Variants in ZNF8 observed in about 807,000 individuals in gnomAD.
ZNF8 encodes zinc finger protein 272.
Under a neutral mutation model 12.2 loss-of-function variants are expected in ZNF8, and 9 were observed. The ratio of observed to expected loss-of-function variants is 0.73; its 90% confidence interval spans 0.44 to 1.28. The LOEUF is 1.28. Among genes scored for constraint, ZNF8 ranks in the 50% most tolerant of loss-of-function variants. The pLI is 0.00. For missense variants in ZNF8, 664 were observed against 729.1 expected, an observed-to-expected ratio of 0.91 and a Z score of 1.03; for synonymous variants, 274 against 282.3, an observed-to-expected ratio of 0.97 and a Z score of 0.30.
Position 58,295,034 on chromosome 19 carries a change from G to T in ZNF8, c.1226G>T (p.Ser409Ile), listed in dbSNP as rs752783189. 6.2e-7 allele frequency: 1 copy of T among 1,614,090 alleles called. No individual in the cohort carries two copies. Among genetic ancestry groups the T allele is most frequent in the Non-Finnish European group, 8.5e-7 (1 of 1,179,974 alleles). ...CACTGCGGGAAGGGCTTCAGGCACA[G>T]CTCATCCCTGGCCCAGCACCAGCGG... ...CNHCGKGFRH[S>I]SSLAQHQRKH... Residue 409 changes from serine (S) to isoleucine (I), a missense_variant, in exon 4 of 4, where the codon AGC becomes ATC. Physicochemically the swap from Ser to Ile is moderately radical, Grantham distance 142. Transcript: ENST00000621650.
chr19:58,291,563 A>C (rs777100734), intron 3 of ZNF8, among the ~76,000 whole-genome samples: 1 of 152,116 alleles, frequency 6.6e-6, no homozygotes, highest in Non-Finnish European at 1.5e-5. Context: ...AGCCTGTTCC[A>C]TGGATGTTCC....
intron 1 of ZNF8, chr19:58,280,018 G>A (rs1054232398): frequency 2.2e-6 from 1 of 460,482 alleles, no homozygotes; most frequent in South Asian, 2.1e-5. Flanking sequence ...ATGCTACCAC[G>A]TTTTATTTTG....
At chr19:58,281,851 G>A (rs952692825) in intron 1 of ZNF8, among the ~76,000 whole-genome samples, 2 of 152,200 alleles carry the variant, frequency 1.3e-5, no homozygotes, top group Non-Finnish European at 2.9e-5. Context: ...AGTGGCTCAT[G>A]CCTGTAATCC....
intron 1 of ZNF8, among the ~76,000 whole-genome samples, chr19:58,285,068 T>C (rs2051374545): frequency 6.6e-6 from 1 of 152,140 alleles, no homozygotes; most frequent in African/African-American, 2.4e-5. Flanking sequence ...TTCTGTCATG[T>C]GAGCCTGCCT....
chr19:58,290,520 A>G (rs1257249850), intron 3 of ZNF8, among the ~76,000 whole-genome samples: 3 of 152,176 alleles, frequency 2.0e-5, no homozygotes, highest in Non-Finnish European at 4.4e-5. Flanking sequence ...CCACATGATT[A>G]AAATAGAGAG....
At chr19:58,287,747 TC>T (rs2051392589) in intron 3 of ZNF8, among the ~76,000 whole-genome samples, 1 of 149,394 alleles carries the variant, frequency 6.7e-6, no homozygotes, top group Non-Finnish European at 1.5e-5. Context: ...TACCTCAGTC[TC>T]CCTAGTAGCT....
chr19:58,280,737 G>A (rs2051345933), intron 1 of ZNF8: 1 of 152,282 alleles, frequency 6.6e-6, no homozygotes, highest in South Asian at 2.1e-4. Context: ...TGGAATCAAG[G>A]TATGAGCAGA....
At chr19:58,287,473 C>T (rs1445739402) in intron 3 of ZNF8, among the ~76,000 whole-genome samples, 1 of 151,312 alleles carries the variant, frequency 6.6e-6, no homozygotes, top group East Asian at 1.9e-4. Flanking sequence ...GCTGGGACTA[C>T]AGGTGTGTAC....
Position 58,298,823 on chromosome 19 carries a change from G to T in ZNF8, c.*3287G>T, listed in dbSNP as rs2051472856. ...AAACAAGATCCACACAGTGCATTTG[G>T]TTGGAATTTTTCTTTTTTCTTTTTC... On this transcript the variant is annotated 3_prime_UTR_variant, in exon 4 of 4. Transcript: ENST00000621650. 1 of 148,132 alleles carries T rather than the reference G, an allele frequency of 6.8e-6. No homozygotes were observed. Among genetic ancestry groups the T allele is most frequent in the Non-Finnish European group, 1.5e-5 (1 of 67,492 alleles). 9.2% of individuals were successfully genotyped at this position (148,132 alleles called of 1,614,324 possible). A position where few individuals can be genotyped will look rare whatever the true frequency, so the allele number is the denominator to read the frequency against.
intron 2 of ZNF8, 104 bp downstream of exon 2, chr19:58,285,947 AGT>A: frequency 2.0e-6 from 3 of 1,487,582 alleles, no homozygotes; most frequent in Non-Finnish European, 2.7e-6. Flanking sequence ...CCCTATGGGG[AGT>A]GCATGAAGAG....
Position 58,278,966 on chromosome 19 carries a change from G to C in ZNF8, c.-116G>C. ...GCCTACTGGGAGTTGTAGTCGCCGC[G>C]TCGCCGGTGCGGCCGCCATTGTCCG... On this transcript the variant is annotated 5_prime_UTR_variant, in exon 1 of 4. Transcript: ENST00000621650. 1.6e-6 allele frequency: 2 copies of C among 1,255,070 alleles called. No homozygotes were observed. The allele number at this position is 1,255,070 out of a possible 1,614,324, so 77.7% of individuals were successfully genotyped here.
At position 58,294,433 on chromosome 19, in the gene ZNF8, G is replaced by C. The variant is rs527315030; in HGVS notation, c.625G>C (p.Asp209His). ...GTATACTTACGACTCACAGATTACA[G>C]ACTCAGAACATAACTCCAGCTTAGT... is the stretch of plus-strand genomic sequence containing the variant. ...YLYTYDSQITDSEHNSSLVSQ... is the reference protein window; with the variant it reads ...YLYTYDSQITHSEHNSSLVSQ... Residue 209 changes from aspartate (D) to histidine (H), a missense_variant, in exon 4 of 4, where the codon GAC (aspartate) becomes CAC (histidine). Physicochemically the swap from Asp to His is moderately conservative, Grantham distance 81. This residue lies in a region of ZNF8 where 306 missense variants were observed against 308.7 expected (regional missense o/e 0.99). Transcript: ENST00000621650. This position sits in a 1 kb window ranked among gnomAD's most constrained non-coding sequence, Gnocchi z 5.5. 1.6e-5 allele frequency: 26 copies of C among 1,614,114 alleles called. No individual in the cohort carries two copies. In the East Asian group the frequency reaches 5.8e-4, roughly 36 times the overall value.
At chr19:58,290,412 C>T (rs1353558253) in intron 3 of ZNF8, among the ~76,000 whole-genome samples, 5 of 152,116 alleles carry the variant, frequency 3.3e-5, no homozygotes, top group African/African-American at 7.2e-5. Context: ...CCGCGCCCGG[C>T]CATCAAGATT....
rs1252858241 is a variant in ZNF8 at position 58,300,472 on chromosome 19, C to T, written c.*4936C>T. Reference sequence around the variant, plus strand: ...ATTCCCAGAAGCCTGCAGCACATGCCCCCCTTAGTCTCACTGGCCACAGAT... The same window carrying T: ...ATTCCCAGAAGCCTGCAGCACATGCTCCCCTTAGTCTCACTGGCCACAGAT... On this transcript the variant is annotated 3_prime_UTR_variant, in exon 4 of 4. Coordinates refer to ENST00000621650, the MANE Select transcript of ZNF8 (RefSeq NM_021089.3). 2 of 152,250 alleles carry T rather than the reference C, an allele frequency of 1.3e-5. No individual in the cohort carries two copies. The highest frequency in any genetic ancestry group is 6.5e-5 in the Admixed American group (1 of 15,282). 9.4% of individuals were successfully genotyped at this position (152,250 alleles called of 1,614,324 possible).
At chr19:58,285,889 A>G (rs912564453) in intron 2 of ZNF8, 46 bp downstream of exon 2, 7 of 1,571,190 alleles carry the variant, frequency 4.5e-6, no homozygotes, top group Admixed American at 3.6e-5. Context: ...TCTCTGGGTT[A>G]TAAGTCATGG....
In ZNF8 at chr19:58,295,048, C is replaced by A; in HGVS notation, c.1240C>A (p.Gln414Lys). Residue 414 changes from glutamine to lysine, a missense_variant, in exon 4 of 4, where the codon CAG becomes AAG. Gln to Lys is a moderately conservative substitution (Grantham distance 53). Around this residue, in one of 3 missense-constraint regions of ZNF8, gnomAD observed 225 missense variants for 222.0 expected, o/e 1.01. Transcript: ENST00000621650. The stretch of plus-strand genomic sequence containing the variant: ...CTTCAGGCACAGCTCATCCCTGGCC[C>A]AGCACCAGCGGAAGCACGCGGGGGA... The part of the protein sequence containing the change: ...KGFRHSSSLA[Q>K]HQRKHAGEKP... 6.2e-7 allele frequency: 1 copy of A among 1,614,106 alleles called. No homozygotes were observed. The highest frequency in any genetic ancestry group is 8.5e-7 in the Non-Finnish European group (1 of 1,179,990).
At chr19:58,293,432 T>C (rs1158033336) in intron 3 of ZNF8, among the ~76,000 whole-genome samples, 1 of 152,236 alleles carries the variant, frequency 6.6e-6, no homozygotes, top group Non-Finnish European at 1.5e-5. Context: ...GTGAACATTC[T>C]AGTGCGGTGA....
At position 58,283,037 on chromosome 19, in the gene ZNF8, G is replaced by A. The variant is rs1043914556; in HGVS notation, c.67-2680G>A. On this transcript the variant is annotated intron_variant, in intron 1 of 3. Transcript: ENST00000621650. ...TGGTTGCTTAGGCTGGAGTGCGGTG[G>A]CATGATCTTGGCTTGCTGCAACCTC... Among the ~76,000 whole-genome samples the A allele has an allele frequency of 4.6e-5, 7 of 151,502 alleles. No homozygotes were observed. The East Asian group carries it at 7.8e-4, about 17-fold the overall frequency.
chr19:58,292,491 A>G (rs928806524), intron 3 of ZNF8, among the ~76,000 whole-genome samples: 9 of 152,150 alleles, frequency 5.9e-5, no homozygotes, highest in Non-Finnish European at 1.2e-4. Flanking sequence ...ATCACCTCCC[A>G]AAGGCCTCAT....
Sources: gnomAD v4.1 joint callset for allele counts (sites outside exome capture counted in the v4.1 genomes callset) on GRCh38, gnomAD v4.1.1 for gene constraint, gnomAD v4.1.1 regional missense constraint, Gnocchi (gnomAD v3.1) non-coding constraint, MANE v1.5 for transcripts, NCBI Gene and HGNC (gene_info 2026-07-23, HGNC 2026-07-21) for gene names.